ROBO2: variants seen among roughly 807,000 people sequenced by gnomAD.
The protein encoded by ROBO2 is roundabout homolog 2.
ROBO2 carries 53 observed loss-of-function variants against 160.8 expected under a neutral mutation model. That is an observed-to-expected ratio of 0.33 (90% CI 0.26 to 0.41). ROBO2 has a LOEUF of 0.41. Among genes scored for constraint, ROBO2 ranks in the 10% least tolerant of loss-of-function variants. ROBO2 has a pLI of 1.00. For missense variants in ROBO2, 1,577 were observed against 1,722.4 expected (o/e 0.92, Z 1.49); for synonymous variants, 664 against 611.7 (o/e 1.09, Z -1.26).
intron 2 of ROBO2, among the ~76,000 whole-genome samples, chr3:76,109,341 A>G (rs559113747): frequency 6.6e-6 from 1 of 152,264 alleles, no homozygotes; most frequent in East Asian, 1.9e-4. Flanking sequence ...AAAAAAACTA[A>G]AGAATTAAAA....
chr3:77,289,899 G>T (rs769048120), intron 2 of ROBO2, among the ~76,000 whole-genome samples: 1 of 151,440 alleles, frequency 6.6e-6, no homozygotes, highest in Non-Finnish European at 1.5e-5. Context: ...GTTGAGCCTA[G>T]ATCCCTAAAG....
chr3:77,062,611 G>T (rs780912703), intron 1 of ROBO2, among the ~76,000 whole-genome samples: 4 of 152,114 alleles, frequency 2.6e-5, no homozygotes, highest in Non-Finnish European at 4.4e-5. Flanking sequence ...TCTGACACCA[G>T]AGCTTATGAA....
chr3:76,979,871 T>C (rs1385471742), intron 2 of ROBO2, among the ~76,000 whole-genome samples: 1 of 151,916 alleles, frequency 6.6e-6, no homozygotes, highest in Non-Finnish European at 1.5e-5. Flanking sequence ...AGGAGATTCC[T>C]GGAAACAAGG....
At chr3:76,477,239 G>A (rs1200287360) in intron 2 of ROBO2, among the ~76,000 whole-genome samples, 1 of 152,150 alleles carries the variant, frequency 6.6e-6, no homozygotes. Context: ...AAGATGATGG[G>A]TAGGATTCTT....
chr3:77,517,849 A>T (rs2090181979), intron 5 of ROBO2, among the ~76,000 whole-genome samples: 1 of 151,324 alleles, frequency 6.6e-6, no homozygotes, highest in Non-Finnish European at 1.5e-5. Context: ...TGAGTCACTT[A>T]GTAGAACTTC....
chr3:76,617,293 A>G (rs2088666027), intron 2 of ROBO2, among the ~76,000 whole-genome samples: 1 of 152,040 alleles, frequency 6.6e-6, no homozygotes, highest in Admixed American at 6.6e-5. Context: ...ATATATATAT[A>G]TATATAAGGA....
chr3:76,615,882 G>C (rs1464359722), intron 2 of ROBO2, among the ~76,000 whole-genome samples: 1 of 152,200 alleles, frequency 6.6e-6, no homozygotes, highest in Non-Finnish European at 1.5e-5. Context: ...TTTGGGATGA[G>C]GAGTCAGAGG....
intron 2 of ROBO2, among the ~76,000 whole-genome samples, chr3:76,062,907 T>C (rs2068115420): frequency 6.6e-6 from 1 of 152,178 alleles, no homozygotes; most frequent in Admixed American, 6.5e-5. Flanking sequence ...ATGTTGGAGT[T>C]AATATAGGAG....
chr3:76,401,835 A>C (rs778483029), intron 2 of ROBO2, among the ~76,000 whole-genome samples: 1 of 151,620 alleles, frequency 6.6e-6, no homozygotes, highest in Non-Finnish European at 1.5e-5. Flanking sequence ...GAACAAGCTG[A>C]TGAAATATTT....
At chr3:76,584,944 A>G (rs1436121216) in intron 2 of ROBO2, among the ~76,000 whole-genome samples, 5 of 152,198 alleles carry the variant, frequency 3.3e-5, no homozygotes, top group African/African-American at 1.2e-4. Flanking sequence ...AATCATATGA[A>G]TAAAAATACT....
intron 2 of ROBO2, chr3:77,316,775 G>A (rs1187418326): frequency 8.0e-6 from 10 of 1,244,168 alleles, no homozygotes; most frequent in Middle Eastern, 5.4e-4. Context: ...TTCAGTCCTA[G>A]ACCAAGCTTG....
At chr3:76,901,994 T>C (rs970236938) in intron 2 of ROBO2, among the ~76,000 whole-genome samples, 1 of 152,034 alleles carries the variant, frequency 6.6e-6, no homozygotes, top group African/African-American at 2.4e-5. Flanking sequence ...ATCCTCTTTT[T>C]TAAACATGTT....
chr3:76,440,529 G>A (rs997467657), intron 2 of ROBO2, among the ~76,000 whole-genome samples: 1 of 152,164 alleles, frequency 6.6e-6, no homozygotes, highest in African/African-American at 2.4e-5. Context: ...GAAGAAATCT[G>A]TAAAGGGTGC....
chr3:76,316,350 A>G (rs2072026838), intron 2 of ROBO2, among the ~76,000 whole-genome samples: 2 of 152,088 alleles, frequency 1.3e-5, no homozygotes, highest in Non-Finnish European at 2.9e-5. Flanking sequence ...TTCTTTTCCT[A>G]GGGTCTTAAT....
intron 2 of ROBO2, among the ~76,000 whole-genome samples, chr3:76,750,143 A>G (rs994911960): frequency 8.5e-5 from 13 of 152,138 alleles, no homozygotes; most frequent in South Asian, 4.1e-4. Context: ...CTGGTTCAAC[A>G]TACAAAAATC....
At chr3:77,203,821 C>A (rs1296643462) in intron 2 of ROBO2, among the ~76,000 whole-genome samples, 2 of 152,180 alleles carry the variant, frequency 1.3e-5, no homozygotes, top group Non-Finnish European at 1.5e-5. Flanking sequence ...ACTTTATTCA[C>A]ACCGATTTTG....
At chr3:76,163,951 A>G (rs1407485360) in intron 2 of ROBO2, among the ~76,000 whole-genome samples, 1 of 152,144 alleles carries the variant, frequency 6.6e-6, no homozygotes. Flanking sequence ...TTCTTTCACA[A>G]AAGATTTCTC....
At chr3:76,314,466 A>G (rs935600093) in intron 2 of ROBO2, among the ~76,000 whole-genome samples, 20 of 151,998 alleles carry the variant, frequency 1.3e-4, no homozygotes, top group Non-Finnish European at 2.5e-4. Flanking sequence ...TATAATATAC[A>G]TATGTATTGA....
In ROBO2 at chr3:76,910,502, C is replaced by T. The variant is rs529716071; in HGVS notation, c.110-187512C>T. Among the ~76,000 whole-genome samples the T allele has an allele frequency of 1.5e-4, 23 of 151,772 alleles. No homozygotes were observed. The East Asian group carries it at 2.0e-3, about 13-fold the overall frequency. ...CAGCACTTTGGGAGGCCAAGGTGGG[C>T]GGATCACAAGGTCAAAAGATCAAGA... On this transcript the variant is annotated intron_variant, in intron 2 of 26. Coordinates refer to the ROBO2 transcript ENST00000487694.
Sources: allele counts gnomAD v4.1 joint callset (sites outside exome capture counted in the v4.1 genomes callset), GRCh38; gene constraint gnomAD v4.1.1; transcripts MANE v1.5; gene names NCBI Gene and HGNC (gene_info 2026-07-23, HGNC 2026-07-21).